The following XYLT1 variants were observed in gnomAD, a reference collection of about 807,000 sequenced individuals.
XYLT1 encodes the protein xylosyltransferase 1.
Under a neutral mutation model 91.3 loss-of-function variants are expected in XYLT1, and 36 were observed. That is an observed-to-expected ratio of 0.39 (90% confidence interval 0.30 to 0.52). The LOEUF is 0.52. Among genes scored for constraint, XYLT1 ranks in the 20% least tolerant of loss-of-function variants. XYLT1 has a pLI of 0.68. For synonymous variants in XYLT1, 588 were observed against 532.0 expected, an observed-to-expected ratio of 1.11 and a Z score of -1.45; for missense variants, 1,242 against 1,284.5, an observed-to-expected ratio of 0.97 and a Z score of 0.51.
In XYLT1 at chr16:17,242,481, A is replaced by AT. The variant is rs772501927; in HGVS notation, c.913+16506dup. Among the ~76,000 whole-genome samples, 52 of 152,210 alleles carry AT rather than the reference A, an allele frequency of 3.4e-4. 2 individuals are homozygous for AT. The highest frequency in any genetic ancestry group is 4.4e-5 in the Non-Finnish European group (3 of 68,034). ...CCCTAGAGTAAAGGTCAAATGACTT[A>AT]TCTGGAACAAATCATCTAGCCTCAC... On this transcript the variant is annotated intron_variant, in intron 3 of 11. Coordinates refer to ENST00000261381, the MANE Select transcript of XYLT1 (RefSeq NM_022166.4).
At chr16:17,446,541 A>G (rs2036593987) in intron 1 of XYLT1, among the ~76,000 whole-genome samples, 1 of 146,602 alleles carries the variant, frequency 6.8e-6, no homozygotes, top group Non-Finnish European at 1.5e-5. Flanking sequence ...CTCTTCTAGG[A>G]AAAAAAAATG....
intron 5 of XYLT1, among the ~76,000 whole-genome samples, chr16:17,184,253 T>C (rs960321644): frequency 3.7e-5 from 5 of 135,896 alleles, no homozygotes; most frequent in African/African-American, 1.4e-4. Flanking sequence ...GATGCCAGGG[T>C]TGGAAACGTC....
At chr16:17,430,361 A>G (rs1376476886) in intron 1 of XYLT1, among the ~76,000 whole-genome samples, 2 of 152,230 alleles carry the variant, frequency 1.3e-5, no homozygotes, top group Non-Finnish European at 2.9e-5. Context: ...ACCAGTAAGT[A>G]TAACACAAAA....
chr16:17,465,100 C>T (rs574000235), intron 1 of XYLT1, among the ~76,000 whole-genome samples: 6 of 138,554 alleles, frequency 4.3e-5, no homozygotes, highest in East Asian at 4.4e-4. Flanking sequence ...GCCGAGATCA[C>T]GCCACTGCCC....
intron 1 of XYLT1, among the ~76,000 whole-genome samples, chr16:17,465,694 T>A (rs1253715586): frequency 6.6e-6 from 1 of 152,138 alleles, no homozygotes; most frequent in Non-Finnish European, 1.5e-5. Context: ...GAAACAGCTA[T>A]ATTCATTCTA....
At chr16:17,351,938 G>A (rs933735091) in intron 2 of XYLT1, among the ~76,000 whole-genome samples, 4 of 152,116 alleles carry the variant, frequency 2.6e-5, no homozygotes, top group African/African-American at 7.2e-5. Context: ...GAGCCCAGAA[G>A]TTCAAGACCA....
intron 1 of XYLT1, among the ~76,000 whole-genome samples, chr16:17,379,390 G>C (rs949800308): frequency 4.6e-5 from 7 of 152,220 alleles, no homozygotes; most frequent in Non-Finnish European, 1.0e-4. Flanking sequence ...CAGGGAGGCC[G>C]ACTAAGAGAT....
chr16:17,328,712 G>T lies in XYLT1; in HGVS notation c.402+29300C>A, dbSNP rs187072949. 2.8e-4 allele frequency among the ~76,000 whole-genome samples: 42 copies of T among 152,216 alleles called. No homozygotes were observed. The East Asian group carries it at 6.4e-3, about 23-fold the overall frequency. On this transcript the variant is annotated intron_variant, in intron 2 of 11. Coordinates refer to ENST00000261381, the MANE Select transcript of XYLT1 (RefSeq NM_022166.4). ...GCTACAGCATTTTTGATGCCCGTGC[G>T]CAACCATCAGTGCTTTTAGCAGAAT...
chr16:17,335,607 T>C (rs903637497), intron 2 of XYLT1, among the ~76,000 whole-genome samples: 6 of 150,374 alleles, frequency 4.0e-5, no homozygotes, highest in Admixed American at 1.3e-4. Context: ...GGCAGGAGAA[T>C]CGCTTTAACC....
chr16:17,460,763 C>A (rs566081951), intron 1 of XYLT1, among the ~76,000 whole-genome samples: 1 of 152,336 alleles, frequency 6.6e-6, no homozygotes, highest in South Asian at 2.1e-4. Context: ...CAAAAATCTA[C>A]GCTGTCTCAC....
At chr16:17,409,712 A>T (rs991860248) in intron 1 of XYLT1, among the ~76,000 whole-genome samples, 2 of 151,510 alleles carry the variant, frequency 1.3e-5, no homozygotes, top group African/African-American at 4.9e-5. Flanking sequence ...ACCACGTCCG[A>T]CTAATTTTTG....
At chr16:17,416,930 C>T (rs1275161023) in intron 1 of XYLT1, among the ~76,000 whole-genome samples, 3 of 152,188 alleles carry the variant, frequency 2.0e-5, no homozygotes, top group Non-Finnish European at 4.4e-5. Flanking sequence ...CAAGTGCTAA[C>T]GAGGTGGCTG....
At chr16:17,431,311 T>C (rs1033973570) in intron 1 of XYLT1, among the ~76,000 whole-genome samples, 29 of 152,196 alleles carry the variant, frequency 1.9e-4, no homozygotes, top group African/African-American at 6.5e-4. Flanking sequence ...CCTGGGAATC[T>C]TGTGAAAATG....
chr16:17,249,276 A>G (rs535861301), intron 3 of XYLT1, among the ~76,000 whole-genome samples: 1 of 152,194 alleles, frequency 6.6e-6, no homozygotes, highest in African/African-American at 2.4e-5. Context: ...GAGATTCTAG[A>G]TGCCCATTTC....
At chr16:17,379,366 A>G (rs1258104703) in intron 1 of XYLT1, among the ~76,000 whole-genome samples, 1 of 152,262 alleles carries the variant, frequency 6.6e-6, no homozygotes, top group Non-Finnish European at 1.5e-5. Flanking sequence ...AACATCTGAC[A>G]GGCGGCTTTA....
intron 2 of XYLT1, among the ~76,000 whole-genome samples, chr16:17,269,818 T>C (rs190393281): frequency 1.7e-4 from 26 of 149,702 alleles, no homozygotes; most frequent in Admixed American, 1.3e-3. Flanking sequence ...TTATTATTAT[T>C]ATCATTATTT....
At chr16:17,463,768 C>T (rs2036851419) in intron 1 of XYLT1, among the ~76,000 whole-genome samples, 1 of 152,218 alleles carries the variant, frequency 6.6e-6, no homozygotes, top group East Asian at 1.9e-4. Flanking sequence ...ATCAATAAAT[C>T]CAAGAGCTAT....
Position 17,399,310 on chromosome 16 carries a change from C to T in XYLT1, c.364-41260G>A, listed in dbSNP as rs1034468299. On this transcript the variant is annotated intron_variant, in intron 1 of 11. Coordinates refer to ENST00000261381, the MANE Select transcript of XYLT1 (RefSeq NM_022166.4). ...CACAAAGGGTAAAGACCTGGGTTCT[C>T]CCTGGCCTTTCTGGGCAGAATGAGA... Among the ~76,000 whole-genome samples, 3 of 152,120 alleles carry T rather than the reference C, an allele frequency of 2.0e-5. No individual in the cohort carries two copies. In the East Asian group the frequency reaches 5.8e-4, roughly 29 times the overall value.
intron 3 of XYLT1, among the ~76,000 whole-genome samples, chr16:17,234,750 A>C (rs962609905): frequency 2.0e-5 from 3 of 151,776 alleles, no homozygotes; most frequent in Non-Finnish European, 2.9e-5. Flanking sequence ...CTAAGGTTCA[A>C]GTCTACCCTG....
Sources: allele counts gnomAD v4.1 joint callset (sites outside exome capture counted in the v4.1 genomes callset), GRCh38; gene constraint gnomAD v4.1.1; transcripts MANE v1.5; gene names NCBI Gene and HGNC (gene_info 2026-07-23, HGNC 2026-07-21).